Variants in TIAM1 observed in about 807,000 individuals in gnomAD.
TIAM1 encodes the protein rho guanine nucleotide exchange factor TIAM1.
In TIAM1, 65 loss-of-function variants were observed where a neutral mutation model predicts 163.5. That is an observed-to-expected ratio of 0.40 (90% confidence interval 0.33 to 0.49). The LOEUF (loss-of-function observed/expected upper bound fraction) is 0.49. Among genes scored for constraint, TIAM1 ranks in the 20% least tolerant of loss-of-function variants. The pLI is 0.77. For missense variants in TIAM1, 1,789 were observed against 2,044.7 expected (o/e 0.87, Z 2.41); for synonymous variants, 833 against 810.1 (o/e 1.03, Z -0.48).
chr21:31,394,726 TCTCACACACA>T (rs1489519931), intron 2 of TIAM1, among the ~76,000 whole-genome samples: 10 of 81,656 alleles, frequency 1.2e-4, no homozygotes, highest in Middle Eastern at 0.013. Flanking sequence ...TCTCTCTCTC[TCTCACACACA>T]CACACACACA....
intron 4 of TIAM1, among the ~76,000 whole-genome samples, chr21:31,252,721 G>A (rs1457060729): frequency 3.9e-5 from 6 of 152,216 alleles, no homozygotes; most frequent in African/African-American, 1.4e-4. Flanking sequence ...TGACTGAAAA[G>A]ATAGCTAGTG....
intron 2 of TIAM1, among the ~76,000 whole-genome samples, chr21:31,303,931 T>C (rs1186105286): frequency 9.9e-5 from 15 of 151,986 alleles, no homozygotes; most frequent in Non-Finnish European, 5.9e-5. Context: ...TGAGCCGAGA[T>C]CGCACTACTG....
Position 31,143,269 on chromosome 21 carries a change from T to C in TIAM1, c.3476-1765A>G, listed in dbSNP as rs116033038. On this transcript the variant is annotated intron_variant, in intron 20 of 27. Coordinates refer to ENST00000541036, the MANE Select transcript of TIAM1 (RefSeq NM_001353694.2). ...CATTCATCTGGATGACTTTCCCCCA[T>C]TGGAAATTCATTTCCAATGAATATT... 2.0e-3 allele frequency among the ~76,000 whole-genome samples: 299 copies of C among 152,190 alleles called. 1 individual carries two copies. The highest frequency in any genetic ancestry group is 7.0e-3 in the African/African-American group (289 of 41,512).
chr21:31,499,490 A>G (rs1243986650), intron 1 of TIAM1, among the ~76,000 whole-genome samples: 2 of 152,066 alleles, frequency 1.3e-5, no homozygotes, highest in African/African-American at 2.4e-5. Context: ...ATGGTGAGCA[A>G]CGGTCACGCT....
chr21:31,373,055 C>CAAAAAAAAA (rs71193110), intron 2 of TIAM1, among the ~76,000 whole-genome samples: 1 of 104,708 alleles, frequency 9.6e-6, no homozygotes, highest in African/African-American at 3.7e-5. Flanking sequence ...AACTCTGTCT[C>CAAAAAAAAA]AAAAAAAAAA....
intron 2 of TIAM1, among the ~76,000 whole-genome samples, chr21:31,387,771 G>C (rs1390627963): frequency 1.3e-5 from 2 of 152,104 alleles, no homozygotes; most frequent in Non-Finnish European, 2.9e-5. Context: ...CACTTGGGGA[G>C]GAGGTGGGCC....
intron 2 of TIAM1, among the ~76,000 whole-genome samples, chr21:31,394,503 C>G (rs550964566): frequency 6.6e-6 from 1 of 152,152 alleles, no homozygotes; most frequent in Non-Finnish European, 1.5e-5. Flanking sequence ...ACTATGAACT[C>G]TGGGTGGTGA....
chr21:31,154,290 T>C lies in TIAM1; in HGVS notation c.3128A>G (p.Lys1043Arg). 1 of 1,614,060 alleles carries C rather than the reference T, an allele frequency of 6.2e-7. No homozygotes were observed. Among genetic ancestry groups the C allele is most frequent in the Non-Finnish European group, 8.5e-7 (1 of 1,180,010 alleles). ...RQLSDADKLR[K>R]VICELLETER... Reference sequence around the variant, plus strand: ...CGTCTCCAGGAGCTCGCAGATCACCTTGCGCAGCTTATCTGCATCCGAGAG... The same window carrying C: ...CGTCTCCAGGAGCTCGCAGATCACCCTGCGCAGCTTATCTGCATCCGAGAG... The change falls in exon 17 of 28, where the codon AAG (lysine) becomes AGG (arginine). Residue 1043 changes from lysine to arginine, a missense_variant. Physicochemically the swap from Lys to Arg is conservative, Grantham distance 26. Coordinates refer to ENST00000541036, the MANE Select transcript of TIAM1 (RefSeq NM_001353694.2).
At chr21:31,432,989 G>A (rs2044094137) in intron 2 of TIAM1, among the ~76,000 whole-genome samples, 1 of 152,196 alleles carries the variant, frequency 6.6e-6, no homozygotes. Flanking sequence ...AATGCCAAAT[G>A]AAACTGCAAG....
intron 2 of TIAM1, among the ~76,000 whole-genome samples, chr21:31,435,750 G>GGTT (rs1425869425): frequency 2.0e-4 from 30 of 152,276 alleles, no homozygotes; most frequent in African/African-American, 7.0e-4. Context: ...GTTGAGAGGT[G>GGTT]GGACCTTTAA....
upstream of TIAM1, among the ~76,000 whole-genome samples, chr21:31,348,687 G>C (rs534983745): frequency 1.2e-3 from 184 of 152,304 alleles, no homozygotes; most frequent in Middle Eastern, 0.014. Flanking sequence ...TAGGTAATCT[G>C]AGGGTCTGCT....
chr21:31,245,929 A>G (rs2071478074), intron 5 of TIAM1, among the ~76,000 whole-genome samples: 2 of 152,158 alleles, frequency 1.3e-5, no homozygotes, highest in African/African-American at 4.8e-5. Context: ...GGGTTTTAGA[A>G]TGATTCATTA....
intron 5 of TIAM1, among the ~76,000 whole-genome samples, chr21:31,250,229 C>G (rs980832167): frequency 4.6e-5 from 7 of 151,884 alleles, no homozygotes; most frequent in Non-Finnish European, 8.8e-5. Flanking sequence ...GAGCCAGGGC[C>G]TCTGAGTGAC....
In TIAM1 at chr21:31,463,718, C is replaced by T. The variant is rs140662989; in HGVS notation, c.-369+265G>A. On this transcript the variant is annotated intron_variant, in intron 2 of 28. Coordinates refer to the TIAM1 transcript ENST00000286827. ...CTGTAATCCCAGCTACTCAGGAGGC[C>T]GAGGCAGGGGAATGGCTTAAACCCA... Among the ~76,000 whole-genome samples, 18 of 150,674 alleles carry T rather than the reference C, an allele frequency of 1.2e-4. No homozygotes were observed. In the East Asian group the frequency reaches 3.3e-3, roughly 28 times the overall value.
intron 2 of TIAM1, among the ~76,000 whole-genome samples, chr21:31,394,728 T>TCTCTCTCTCTCTCTCACACA (rs1279053911): frequency 1.3e-4 from 12 of 95,704 alleles, no homozygotes; most frequent in Non-Finnish European, 2.3e-4. Context: ...TCTCTCTCTC[T>TCTCTCTCTCTCTCTCACACA]CACACACACA....
At chr21:31,189,752 C>A (rs537792584) in intron 13 of TIAM1, among the ~76,000 whole-genome samples, 7 of 151,986 alleles carry the variant, frequency 4.6e-5, no homozygotes, top group Admixed American at 2.6e-4. Context: ...TTTAAAGATG[C>A]CAATACTTTG....
At chr21:31,153,022 A>C (rs1174509284) in intron 18 of TIAM1, 44 bp downstream of exon 18, 1 of 1,573,296 alleles carries the variant, frequency 6.4e-7, no homozygotes, top group Non-Finnish European at 8.6e-7. Flanking sequence ...AACAAGTCAA[A>C]CCACGGTATG....
intron 1 of TIAM1, among the ~76,000 whole-genome samples, chr21:31,505,105 C>G (rs1328759890): frequency 1.3e-5 from 2 of 152,148 alleles, no homozygotes; most frequent in Admixed American, 6.5e-5. Context: ...AAGCAGCATC[C>G]CATGGTGTGT....
chr21:31,187,051 C>A lies in TIAM1; in HGVS notation c.2612G>T (p.Arg871Leu). Reference sequence around the variant, plus strand: ...CTTCACACTATTCACGTACAGCCTTCGAATACCATCTTCTTCCACAGAAGA... The same window carrying A: ...CTTCACACTATTCACGTACAGCCTTAGAATACCATCTTCTTCCACAGAAGA... ...SLSSVEEDGI[R>L]RLYVNSVKET... The change falls in exon 14 of 28, where the codon CGA (arginine) becomes CTA (leucine). Residue 871 changes from arginine (R) to leucine (L), a missense_variant. Around this residue, in one of 5 missense-constraint regions of TIAM1, gnomAD observed 456 missense variants for 586.6 expected, o/e 0.78. Coordinates refer to ENST00000541036, the MANE Select transcript of TIAM1 (RefSeq NM_001353694.2). 6.2e-7 allele frequency: 1 copy of A among 1,614,112 alleles called. No homozygotes were observed. Among genetic ancestry groups the A allele is most frequent in the South Asian group, 1.1e-5 (1 of 91,084 alleles).
Sources: gnomAD v4.1 joint callset for allele counts (sites outside exome capture counted in the v4.1 genomes callset) on GRCh38, gnomAD v4.1.1 for gene constraint, gnomAD v4.1.1 regional missense constraint, MANE v1.5 for transcripts, NCBI Gene and HGNC (gene_info 2026-07-23, HGNC 2026-07-21) for gene names.